Variants in PPP2R3B observed in about 807,000 individuals in gnomAD.
PPP2R3B encodes protein phosphatase 2 regulatory subunit B''beta.
PPP2R3B carries 68 observed loss-of-function variants against 72.9 expected under a neutral mutation model. The ratio of observed to expected loss-of-function variants is 0.93; its 90% confidence interval spans 0.77 to 1.14. PPP2R3B has a LOEUF of 1.14. Among genes scored for constraint, PPP2R3B ranks in the 50% most tolerant of loss-of-function variants. The pLI is 0.00. For missense variants in PPP2R3B, 1,018 were observed against 842.0 expected, an observed-to-expected ratio of 1.21 and a Z score of -2.59; for synonymous variants, 466 against 375.8, an observed-to-expected ratio of 1.24 and a Z score of -2.78.
chrX:385,925 TACA>T (rs1005668623), intron 1 of PPP2R3B, among the ~76,000 whole-genome samples: 1 of 151,826 alleles, frequency 6.6e-6, no homozygotes, highest in African/African-American at 2.4e-5. Flanking sequence ...CTACTAAAAA[TACA>T]ACATCAGCCA....
At chrX:349,230 C>G (rs907194715) in intron 2 of PPP2R3B, among the ~76,000 whole-genome samples, 2 of 152,054 alleles carry the variant, frequency 1.3e-5, no homozygotes, top group Admixed American at 6.6e-5. Flanking sequence ...AGAGAGCTCC[C>G]TCACCCCTTC....
At chrX:375,825 A>ACGCCCTGTCCTGCCACGCTGGGTGACACC in intron 1 of PPP2R3B, among the ~76,000 whole-genome samples, 1 of 152,164 alleles carries the variant, frequency 6.6e-6, no homozygotes, top group African/African-American at 2.4e-5. Flanking sequence ...CAGGTGACAC[A>ACGCCCTGTCCTGCCACGCTGGGTGACACC]CGCCCTGTCC....
At chrX:346,664 C>G (rs768071873) in intron 5 of PPP2R3B, 37 bp downstream of exon 5, 35 of 1,576,608 alleles carry the variant, frequency 2.2e-5, no homozygotes, top group Non-Finnish European at 2.9e-5. Flanking sequence ...ACCCGCGCCC[C>G]GCGCTGGAAC....
chrX:360,102 C>T (rs1242168211), intron 2 of PPP2R3B, among the ~76,000 whole-genome samples: 3 of 152,196 alleles, frequency 2.0e-5, no homozygotes, highest in Non-Finnish European at 4.4e-5. Flanking sequence ...TCTGTGAATC[C>T]AGTTGCAAAA....
At chrX:370,788 G>C (rs1204630344) in intron 1 of PPP2R3B, among the ~76,000 whole-genome samples, 2 of 152,222 alleles carry the variant, frequency 1.3e-5, no homozygotes, top group Non-Finnish European at 2.9e-5. Context: ...TGCCCTGGCG[G>C]TGAGAGCAGG....
At chrX:374,982 A>G (rs1276116597) in intron 1 of PPP2R3B, among the ~76,000 whole-genome samples, 3 of 152,142 alleles carry the variant, frequency 2.0e-5, no homozygotes, top group Non-Finnish European at 4.4e-5. Context: ...ACTTGGAACC[A>G]GAAGTCTGCA....
intron 2 of PPP2R3B, 108 bp from the exon 3 acceptor site, chrX:347,801 A>C: frequency 1.3e-6 from 1 of 785,712 alleles, no homozygotes. Context: ...CTGCTGCAGA[A>C]AGACACAGCA....
At chrX:352,731 C>T (rs2124077220) in intron 2 of PPP2R3B, among the ~76,000 whole-genome samples, 1 of 152,012 alleles carries the variant, frequency 6.6e-6, no homozygotes, top group South Asian at 2.1e-4. Flanking sequence ...CACGCCGACA[C>T]CAACCGACAG....
chrX:370,904 G>A (rs1239303881), intron 1 of PPP2R3B, among the ~76,000 whole-genome samples: 1 of 152,228 alleles, frequency 6.6e-6, no homozygotes, highest in African/African-American at 2.4e-5. Context: ...CATGCGTGGT[G>A]CCGTGTAGGG....
chrX:347,729 G>A (rs778808371), intron 2 of PPP2R3B, 36 bp from the exon 3 acceptor site: 4 of 1,457,812 alleles, frequency 2.7e-6, no homozygotes, highest in Non-Finnish European at 9.2e-7. Flanking sequence ...CAGTCAGCAG[G>A]GCCTGGACGC....
At chrX:379,047 CTG>C (rs1176097963) in intron 1 of PPP2R3B, among the ~76,000 whole-genome samples, 13 of 150,748 alleles carry the variant, frequency 8.6e-5, no homozygotes, top group South Asian at 4.2e-4. Flanking sequence ...GTGTATGCAC[CTG>C]TGTGTTTGTG....
intron 1 of PPP2R3B, among the ~76,000 whole-genome samples, chrX:366,568 G>C (rs188491461): frequency 2.3e-4 from 1 of 4,324 alleles, no homozygotes. Flanking sequence ...TGTGGTGGAG[G>C]GTGCCTGTAC....
Position 340,769 on chromosome X carries a change from A to G in PPP2R3B, c.1347T>C (p.Thr449=), listed in dbSNP as rs776381739. Residue 449 remains threonine (T), a synonymous_variant, in exon 10 of 13, where the codon ACT becomes ACC. Coordinates refer to ENST00000390665, the MANE Select transcript of PPP2R3B (RefSeq NM_013239.5). ...CATGCCCTCACGGGGCATCACCTTCAGTCCTCGGCTTGACCAGGTCCAGCA... is the reference window on the plus strand; with the variant it reads ...CATGCCCTCACGGGGCATCACCTTCGGTCCTCGGCTTGACCAGGTCCAGCA... ...CQMLDLVKPR[T]EGKITLQDLK... is the part of the protein sequence containing the mutation. The G allele has an allele frequency of 1.9e-6, 3 of 1,608,966 alleles. No homozygotes were observed. Among genetic ancestry groups the G allele is most frequent in the Admixed American group, 3.3e-5 (2 of 59,872 alleles).
Position 353,764 on chromosome X carries a change from G to GGGGGCTCACCCAAAGACC in PPP2R3B, c.511-6089_511-6072dup, listed in dbSNP as rs1391490883. ...GGGGCTGGGGGCTCACCCAAAGACC[G>GGGGGCTCACCCAAAGACC]GGGGCTCACCCAAAGACCGGGGCTC... On this transcript the variant is annotated intron_variant, in intron 2 of 12. Transcript: ENST00000390665. Among the ~76,000 whole-genome samples, 94 of 148,778 alleles carry GGGGGCTCACCCAAAGACC rather than the reference G, an allele frequency of 6.3e-4. 1 individual carries two copies. Among genetic ancestry groups the GGGGGCTCACCCAAAGACC allele is most frequent in the African/African-American group, 2.3e-3 (91 of 39,202 alleles).
At chrX:339,275 G>GGA (rs1556105667) in intron 10 of PPP2R3B, among the ~76,000 whole-genome samples, 6 of 150,100 alleles carry the variant, frequency 4.0e-5, no homozygotes, top group South Asian at 2.1e-4. Context: ...CCATGGCCGG[G>GGA]GGGGGCAGGG....
chrX:370,430 C>T (rs752210412), intron 1 of PPP2R3B, among the ~76,000 whole-genome samples: 1 of 152,298 alleles, frequency 6.6e-6, no homozygotes, highest in East Asian at 1.9e-4. Flanking sequence ...AGGCGTGAGT[C>T]TCCACAGAGC....
chrX:345,325 G>C, intron 7 of PPP2R3B, 191 bp downstream of exon 7: 1 of 835,080 alleles, frequency 1.2e-6, no homozygotes, highest in Non-Finnish European at 2.0e-6. Context: ...GCGCACGCGG[G>C]GACCCAGACA....
chrX:381,591 A>ATTTTTTT (rs2072125593), intron 1 of PPP2R3B, among the ~76,000 whole-genome samples: 2 of 132,472 alleles, frequency 1.5e-5, no homozygotes, highest in African/African-American at 6.0e-5. Flanking sequence ...GAACAAGCTC[A>ATTTTTTT]TCTTTTTTTT....
intron 1 of PPP2R3B, among the ~76,000 whole-genome samples, chrX:384,067 C>T (rs2072188646): frequency 6.6e-6 from 1 of 151,750 alleles, no homozygotes; most frequent in African/African-American, 2.4e-5. Flanking sequence ...AAGTCACACA[C>T]CGCCTACACT....
Sources: allele counts gnomAD v4.1 joint callset (sites outside exome capture counted in the v4.1 genomes callset), GRCh38; gene constraint gnomAD v4.1.1; transcripts MANE v1.5; gene names NCBI Gene and HGNC (gene_info 2026-07-23, HGNC 2026-07-21).